Variants in ZNF385D observed in about 807,000 individuals in gnomAD.
The protein encoded by ZNF385D is zinc finger protein 659.
Under a neutral mutation model 35.8 loss-of-function variants are expected in ZNF385D, and 15 were observed. That is an observed-to-expected ratio of 0.42 (90% CI 0.28 to 0.64). The LOEUF (loss-of-function observed/expected upper bound fraction) is 0.64, where lower values mean the gene tolerates loss of function less well. Among genes scored for constraint, ZNF385D ranks in the 30% least tolerant of loss-of-function variants. ZNF385D has a pLI of 0.23. For missense variants in ZNF385D, 474 were observed against 494.6 expected (o/e 0.96, Z 0.39); for synonymous variants, 212 against 186.8 (o/e 1.13, Z -1.10).
At chr3:21,608,556 T>C (rs59144218) in intron 2 of ZNF385D, among the ~76,000 whole-genome samples, 3,074 of 152,246 alleles carry the variant, frequency 0.02, 86 homozygotes, top group South Asian at 0.11. Flanking sequence ...ATATGAAAAA[T>C]AAAGAATTTA....
chr3:22,036,726 T>A lies in ZNF385D; in HGVS notation c.325+132091A>T, dbSNP rs866708499. Reference sequence around the variant, plus strand: ...CCTACTAGGTTTTTTTTTTTTTTTTTTATACTCTAAGTTTTAGGGTACATG... The same window carrying A: ...CCTACTAGGTTTTTTTTTTTTTTTTATATACTCTAAGTTTTAGGGTACATG... On this transcript the variant is annotated intron_variant, in intron 3 of 5. Coordinates refer to the ZNF385D transcript ENST00000494108. Among the ~76,000 whole-genome samples the A allele has an allele frequency of 2.6e-3, 388 of 150,064 alleles. 2 individuals are homozygous for A. The highest frequency in any genetic ancestry group is 8.9e-3 in the African/African-American group (353 of 39,778).
chr3:22,325,107 A>G (rs1449386828), intron 2 of ZNF385D, among the ~76,000 whole-genome samples: 1 of 152,242 alleles, frequency 6.6e-6, no homozygotes. Context: ...ATAAAGTGTA[A>G]TTATGTATAT....
At chr3:22,145,326 T>C (rs1008287118) in intron 3 of ZNF385D, among the ~76,000 whole-genome samples, 2 of 152,214 alleles carry the variant, frequency 1.3e-5, no homozygotes, top group African/African-American at 4.8e-5. Context: ...ATGTTGAAGA[T>C]ACAGAGGTTA....
chr3:21,928,279 GAGGA>G lies in ZNF385D; in HGVS notation c.325+240534_325+240537del, dbSNP rs1437573680. Reference sequence around the variant, plus strand: ...GGAAGAAGGAAGGAAGGAAGGAAGAGAGGAAGGAAGGAAGGAGGGAGGAAGGAAG... The same window carrying G: ...GGAAGAAGGAAGGAAGGAAGGAAGAGAGGAAGGAAGGAGGGAGGAAGGAAG... On this transcript the variant is annotated intron_variant, in intron 3 of 5. Coordinates refer to the ZNF385D transcript ENST00000494108. Among the ~76,000 whole-genome samples, 29 of 128,836 alleles carry G rather than the reference GAGGA, an allele frequency of 2.3e-4. 1 individual carries two copies. The highest frequency in any genetic ancestry group is 1.6e-3 in the Admixed American group (18 of 11,162). The allele number at this position is 128,836 out of a possible 152,430, so 84.5% of individuals were successfully genotyped here.
At chr3:21,747,037 T>C (rs1473936839) in intron 1 of ZNF385D, among the ~76,000 whole-genome samples, 1 of 125,260 alleles carries the variant, frequency 8.0e-6, no homozygotes, top group African/African-American at 2.6e-5. Context: ...CTACTAGATT[T>C]TCTTTTTTTT....
At chr3:22,105,516 T>C (rs1022859896) in intron 3 of ZNF385D, among the ~76,000 whole-genome samples, 1 of 152,154 alleles carries the variant, frequency 6.6e-6, no homozygotes, top group African/African-American at 2.4e-5. Context: ...TCCCACAGTC[T>C]GCTGTCTGCA....
chr3:21,927,046 A>G (rs1208455574), intron 3 of ZNF385D, among the ~76,000 whole-genome samples: 1 of 152,140 alleles, frequency 6.6e-6, no homozygotes, highest in Non-Finnish European at 1.5e-5. Flanking sequence ...GCTTAGTGTC[A>G]TCTTTGCAGT....
intron 3 of ZNF385D, among the ~76,000 whole-genome samples, chr3:21,997,394 A>T (rs538730540): frequency 1.1e-4 from 16 of 152,236 alleles, no homozygotes; most frequent in African/African-American, 3.1e-4. Flanking sequence ...GATATACCTA[A>T]TGTAAATGAC....
intron 3 of ZNF385D, among the ~76,000 whole-genome samples, chr3:21,802,307 T>C (rs563818334): frequency 2.0e-5 from 3 of 152,250 alleles, no homozygotes; most frequent in Admixed American, 2.0e-4. Context: ...GATCATGGGG[T>C]AATTTCTTTG....
intron 1 of ZNF385D, among the ~76,000 whole-genome samples, chr3:21,670,347 T>C (rs2066528169): frequency 6.6e-6 from 1 of 151,866 alleles, no homozygotes. Flanking sequence ...ATGATTACAT[T>C]ACTAAACTCC....
chr3:22,304,029 C>T (rs754155581), intron 2 of ZNF385D, among the ~76,000 whole-genome samples: 3 of 152,150 alleles, frequency 2.0e-5, no homozygotes, highest in East Asian at 1.9e-4. Flanking sequence ...CCGCCCACCT[C>T]GGCCTCCCAG....
At chr3:21,545,263 A>C (rs1450347335) in intron 3 of ZNF385D, among the ~76,000 whole-genome samples, 1 of 152,174 alleles carries the variant, frequency 6.6e-6, no homozygotes, top group Non-Finnish European at 1.5e-5. Flanking sequence ...TCAAATACAG[A>C]CTTGTGATAA....
At chr3:22,353,069 G>A (rs770711609) in intron 2 of ZNF385D, among the ~76,000 whole-genome samples, 1 of 152,168 alleles carries the variant, frequency 6.6e-6, no homozygotes, top group Non-Finnish European at 1.5e-5. Context: ...AAAAGATGTT[G>A]AGTTCTCTGC....
At chr3:21,515,732 C>T (rs1398908993) in intron 3 of ZNF385D, among the ~76,000 whole-genome samples, 1 of 152,156 alleles carries the variant, frequency 6.6e-6, no homozygotes, top group African/African-American at 2.4e-5. Context: ...ATAATAGGCC[C>T]TTCCTAAAAT....
rs4044583 is a variant in ZNF385D, at chr3:21,905,689, A to AATATATATATATAT, written c.326-240675_326-240662dup. Among the ~76,000 whole-genome samples the AATATATATATATAT allele has an allele frequency of 1.8e-3, 261 of 148,804 alleles. 5 individuals are homozygous for AATATATATATATAT. The highest frequency in any genetic ancestry group is 9.1e-3 in the East Asian group (46 of 5,040). ...AGGTTATTCAAGGATCATCTGTGGT[A>AATATATATATATAT]ATATATATATATATATATATATTCA... On this transcript the variant is annotated intron_variant, in intron 3 of 5. Transcript: ENST00000494108.
At chr3:22,183,138 A>T (rs73821321) in intron 2 of ZNF385D, among the ~76,000 whole-genome samples, 18,630 of 152,150 alleles carry the variant, frequency 0.12, 1,274 homozygotes, top group East Asian at 0.24. Flanking sequence ...TTAATGAAAG[A>T]AAAATAATGA....
intron 2 of ZNF385D, among the ~76,000 whole-genome samples, chr3:22,191,561 T>C (rs1696031889): frequency 6.6e-6 from 1 of 152,130 alleles, no homozygotes; most frequent in African/African-American, 2.4e-5. Context: ...TATTCTTCTT[T>C]TAGAGTTAAT....
intron 3 of ZNF385D, among the ~76,000 whole-genome samples, chr3:21,810,625 G>A (rs2072875273): frequency 6.6e-6 from 1 of 151,954 alleles, no homozygotes; most frequent in Non-Finnish European, 1.5e-5. Flanking sequence ...TTTTAGAGAA[G>A]GAATGAATCA....
intron 3 of ZNF385D, among the ~76,000 whole-genome samples, chr3:21,859,776 G>C (rs565099947): frequency 1.2e-4 from 18 of 151,752 alleles, no homozygotes; most frequent in Non-Finnish European, 2.2e-4. Flanking sequence ...AATTAGAACT[G>C]CAAACAAATA....
Sources: allele counts gnomAD v4.1 joint callset (sites outside exome capture counted in the v4.1 genomes callset), GRCh38; gene constraint gnomAD v4.1.1; transcripts MANE v1.5; gene names NCBI Gene and HGNC (gene_info 2026-07-23, HGNC 2026-07-21).